Variants in TNIK observed in about 807,000 individuals in gnomAD.
The protein encoded by TNIK is TRAF2 and NCK-interacting protein kinase.
In TNIK, 49 loss-of-function variants were observed where a neutral mutation model predicts 191.3. The ratio of observed to expected loss-of-function variants is 0.26; its 90% CI spans 0.20 to 0.32. TNIK has a LOEUF of 0.32. Ranked by LOEUF, TNIK falls within the 10% of genes least tolerant of loss-of-function variation. The pLI, the probability that TNIK is intolerant of heterozygous loss-of-function variation, is 1.00. For missense variants in TNIK, 1,155 were observed against 1,702.3 expected (o/e 0.68, Z 5.66); for synonymous variants, 594 against 600.9 (o/e 0.99, Z 0.17).
intron 12 of TNIK, among the ~76,000 whole-genome samples, chr3:171,149,483 G>A (rs536313172): frequency 1.5e-4 from 23 of 152,274 alleles, no homozygotes; most frequent in South Asian, 6.2e-4. Context: ...CCCAACTCCC[G>A]CACTGTGGCA....
At position 171,064,061 on chromosome 3, in the gene TNIK, C is replaced by T. The variant is rs537051675; in HGVS notation, c.4000-97G>A. ...TTTTCTCTCACATGTCCTATCCTTG[C>T]CATGTGTCAGGTCTTAAGACTCAAT... On this transcript the variant is annotated intron_variant, in intron 32 of 32. Coordinates refer to ENST00000436636, the MANE Select transcript of TNIK (RefSeq NM_015028.4). The T allele has an allele frequency of 5.0e-4, 579 of 1,161,402 alleles. 7 individuals are homozygous for T. In the South Asian group the frequency reaches 7.8e-3, roughly 16 times the overall value. 71.9% of individuals were successfully genotyped at this position (1,161,402 alleles called of 1,614,324 possible).
intron 1 of TNIK, among the ~76,000 whole-genome samples, chr3:171,399,382 A>T (rs1720632231): frequency 6.6e-6 from 1 of 152,194 alleles, no homozygotes; most frequent in Non-Finnish European, 1.5e-5. Flanking sequence ...CTGGAGGCCA[A>T]ACAATCACAA....
At chr3:171,088,477 C>A (rs776489638) in intron 23 of TNIK, among the ~76,000 whole-genome samples, 2 of 152,198 alleles carry the variant, frequency 1.3e-5, no homozygotes, top group Non-Finnish European at 2.9e-5. Context: ...TTGTGATCCA[C>A]CCACCTTGGC....
At chr3:171,138,468 C>T (rs1393195291) in intron 14 of TNIK, 89 bp from the exon 15 acceptor site, 2 of 1,187,930 alleles carry the variant, frequency 1.7e-6, no homozygotes, top group Non-Finnish European at 2.3e-6. Context: ...GCAATGGAGG[C>T]AAAATAATGC....
intron 2 of TNIK, among the ~76,000 whole-genome samples, chr3:171,356,029 T>C (rs566953623): frequency 6.6e-6 from 1 of 152,164 alleles, no homozygotes; most frequent in South Asian, 2.1e-4. Context: ...AAGTACAAAT[T>C]ATACACCTGG....
chr3:171,308,827 A>T (rs1753726242), intron 2 of TNIK, among the ~76,000 whole-genome samples: 1 of 152,226 alleles, frequency 6.6e-6, no homozygotes, highest in Admixed American at 6.5e-5. Flanking sequence ...CATTAGAGAA[A>T]TGCAAACCAA....
At chr3:171,131,558 G>T (rs560661968) in intron 15 of TNIK, among the ~76,000 whole-genome samples, 1 of 152,094 alleles carries the variant, frequency 6.6e-6, no homozygotes, top group African/African-American at 2.4e-5. Flanking sequence ...TATGGCATAA[G>T]TAATTGTTAC....
At chr3:171,161,849 G>T (rs893414390) in intron 10 of TNIK, among the ~76,000 whole-genome samples, 3 of 152,102 alleles carry the variant, frequency 2.0e-5, no homozygotes, top group Admixed American at 1.3e-4. Context: ...AAACCCAGGA[G>T]GGGGAGCTTG....
At chr3:171,338,882 G>A (rs1757245258) in intron 2 of TNIK, among the ~76,000 whole-genome samples, 4 of 152,080 alleles carry the variant, frequency 2.6e-5, no homozygotes. Context: ...CAATTTACAG[G>A]TGAGGAAACT....
At chr3:171,343,704 G>A (rs554497774) in intron 2 of TNIK, among the ~76,000 whole-genome samples, 1 of 152,210 alleles carries the variant, frequency 6.6e-6, no homozygotes, top group East Asian at 1.9e-4. Flanking sequence ...ATATTTTCCT[G>A]CCTCTCAAAG....
intron 2 of TNIK, among the ~76,000 whole-genome samples, chr3:171,356,757 A>C (rs939388585): frequency 9.9e-5 from 15 of 152,148 alleles, no homozygotes; most frequent in African/African-American, 3.4e-4. Flanking sequence ...GACATTTATA[A>C]ACTCTCAGAC....
intron 22 of TNIK, among the ~76,000 whole-genome samples, chr3:171,099,307 C>G (rs1723133807): frequency 6.6e-6 from 1 of 152,088 alleles, no homozygotes; most frequent in Non-Finnish European, 1.5e-5. Flanking sequence ...TACATTCCCA[C>G]CAAAGTCAAC....
At chr3:171,251,001 GTGTT>G (rs1253620962) in intron 2 of TNIK, among the ~76,000 whole-genome samples, 1 of 152,214 alleles carries the variant, frequency 6.6e-6, no homozygotes, top group African/African-American at 2.4e-5. Flanking sequence ...ATGTCTGAAA[GTGTT>G]TGAGTGACCA....
At chr3:171,119,469 C>G (rs1727312843) in intron 18 of TNIK, among the ~76,000 whole-genome samples, 1 of 152,184 alleles carries the variant, frequency 6.6e-6, no homozygotes, top group Admixed American at 6.5e-5. Context: ...ATAAATCATG[C>G]TGCTATAAAG....
chr3:171,438,793 T>C (rs1726368841), intron 1 of TNIK, among the ~76,000 whole-genome samples: 1 of 151,780 alleles, frequency 6.6e-6, no homozygotes, highest in Non-Finnish European at 1.5e-5. Flanking sequence ...AAAGGAAGAG[T>C]GTGTGGGTTT....
At chr3:171,244,409 C>T (rs1402909859) in intron 2 of TNIK, among the ~76,000 whole-genome samples, 1 of 152,124 alleles carries the variant, frequency 6.6e-6, no homozygotes, top group Non-Finnish European at 1.5e-5. Context: ...CTATACTATT[C>T]TCAAGAGAGA....
At chr3:171,407,024 G>C (rs960481082) in intron 1 of TNIK, among the ~76,000 whole-genome samples, 2 of 152,216 alleles carry the variant, frequency 1.3e-5, no homozygotes, top group African/African-American at 4.8e-5. Flanking sequence ...AGAGGCAGAG[G>C]GGACAGGAAG....
intron 1 of TNIK, among the ~76,000 whole-genome samples, chr3:171,425,821 C>T (rs1724482286): frequency 1.1e-5 from 1 of 93,596 alleles, no homozygotes; most frequent in Non-Finnish European, 2.3e-5. Context: ...GAGTGAGACT[C>T]TGTCAAAAAA....
At chr3:171,328,408 TG>T (rs1247557020) in intron 2 of TNIK, among the ~76,000 whole-genome samples, 1 of 152,210 alleles carries the variant, frequency 6.6e-6, no homozygotes, top group Non-Finnish European at 1.5e-5. Context: ...TTCGCCTGCG[TG>T]GGGCTACCAT....
Sources: allele counts gnomAD v4.1 joint callset (sites outside exome capture counted in the v4.1 genomes callset), GRCh38; gene constraint gnomAD v4.1.1; transcripts MANE v1.5; gene names NCBI Gene and HGNC (gene_info 2026-07-23, HGNC 2026-07-21).